Variants in INO80 observed in about 807,000 individuals in gnomAD.
INO80 encodes INO80 complex ATPase subunit, also known as chromatin-remodeling ATPase INO80.
A neutral mutation model predicts 203.4 loss-of-function variants in INO80; 20 were observed. The observed-to-expected ratio is 0.10, with a 90% confidence interval of 0.07 to 0.14. The LOEUF (loss-of-function observed/expected upper bound fraction) is 0.14, where lower values mean the gene tolerates loss of function less well. Ranked by LOEUF, INO80 falls within the 10% of genes least tolerant of loss-of-function variation. INO80 has a pLI of 1.00. For synonymous variants in INO80, 726 were observed against 685.2 expected (o/e 1.06, Z -0.93); for missense variants, 1,419 against 1,914.4 (o/e 0.74, Z 4.83).
chr15:41,112,563 C>A (rs971727435), intron 1 of INO80, among the ~76,000 whole-genome samples: 1 of 151,868 alleles, frequency 6.6e-6, no homozygotes, highest in African/African-American at 2.4e-5. Context: ...CCAAGGCAGG[C>A]AGATCACAAG....
chr15:41,003,517 A>G (rs2043995040), intron 28 of INO80, among the ~76,000 whole-genome samples: 1 of 151,366 alleles, frequency 6.6e-6, no homozygotes, highest in Non-Finnish European at 1.5e-5. Context: ...TTTAGTAGAG[A>G]CGGGGTTTCA....
chr15:41,039,992 C>T (rs1425654812), intron 24 of INO80, among the ~76,000 whole-genome samples: 1 of 152,028 alleles, frequency 6.6e-6, no homozygotes, highest in Non-Finnish European at 1.5e-5. Context: ...GGAACATAAT[C>T]AAAACATTTG....
chr15:40,985,364 G>A lies in INO80; in HGVS notation c.3895C>T (p.Arg1299Trp), dbSNP rs1354937207. ...TTCTCTGCATACTTTTCCCGCTTCC[G>A]CTTGCGCTCTTTCACTCGGTTGGTT... The part of the protein sequence containing the change: ...EETNRVKERK[R>W]KREKYAEKKK... The change falls in exon 32 of 36, where the codon CGG becomes TGG. Residue 1299 changes from arginine (R) to tryptophan (W), a missense_variant. By Grantham distance (101) the Arg-to-Trp change is moderately radical (BLOSUM62 -3). Around this residue, in one of 9 missense-constraint regions of INO80, gnomAD observed 214 missense variants for 248.9 expected, o/e 0.86. Coordinates refer to ENST00000648947, the MANE Select transcript of INO80 (RefSeq NM_017553.3). 2.5e-6 allele frequency: 4 copies of A among 1,613,624 alleles called. No homozygotes were observed. Among genetic ancestry groups the A allele is most frequent in the African/African-American group, 1.3e-5 (1 of 74,818 alleles).
At position 41,087,763 on chromosome 15, in the gene INO80, G is replaced by C. The variant is rs2045582888; in HGVS notation, c.538-81C>G. On this transcript the variant is annotated intron_variant, in intron 5 of 35. Coordinates refer to ENST00000648947, the MANE Select transcript of INO80 (RefSeq NM_017553.3). ...ACCTTTACTACAGAAAACTAAGCCA[G>C]AGGAAATCATAGCTCCTAAATACAG... The C allele has an allele frequency of 1.3e-5, 18 of 1,421,962 alleles. No individual in the cohort carries two copies. The South Asian group carries it at 2.5e-4, about 20-fold the overall frequency. 88.1% of individuals were successfully genotyped at this position (1,421,962 alleles called of 1,614,324 possible). A position where few individuals can be genotyped will look rare whatever the true frequency, so the allele number is the denominator to read the frequency against.
chr15:40,987,426 G>A (rs1392901227), intron 30 of INO80, among the ~76,000 whole-genome samples: 1 of 152,136 alleles, frequency 6.6e-6, no homozygotes, highest in African/African-American at 2.4e-5. Flanking sequence ...GAAAATCTAA[G>A]GCTACTGAAT....
intron 4 of INO80, among the ~76,000 whole-genome samples, chr15:41,092,883 C>A (rs2045665610): frequency 6.6e-6 from 1 of 152,002 alleles, no homozygotes; most frequent in African/African-American, 2.4e-5. Context: ...CTAATAAGAT[C>A]TCTTCTCTAC....
rs2044962877 is a variant in INO80 at position 41,055,314 on chromosome 15, C to T, written c.2121G>A (p.Glu707=). The T allele has an allele frequency of 1.2e-6, 2 of 1,613,060 alleles. No homozygotes were observed. The highest frequency in any genetic ancestry group is 1.7e-6 in the Non-Finnish European group (2 of 1,179,616). ...CCTTGGAAAACCATTCATTAAATTC[C>T]TCATGTGAATCAAATAATGTTGGCA... ...FIMPTLFDSH[E]EFNEWFSKDI... Residue 707 remains glutamate, a synonymous_variant, in exon 18 of 36, where the codon GAG becomes GAA. Transcript: ENST00000648947.
rs1393549127 is a variant in INO80 at position 40,992,511 on chromosome 15, AT to A, written c.3571-4538del. 4.6e-5 allele frequency among the ~76,000 whole-genome samples: 7 copies of A among 152,308 alleles called. No individual in the cohort carries two copies. The East Asian group carries it at 1.4e-3, about 29-fold the overall frequency. On this transcript the variant is annotated intron_variant, in intron 29 of 35. Coordinates refer to ENST00000648947, the MANE Select transcript of INO80 (RefSeq NM_017553.3). ...CATAAGACATTAGGTTTTTCCTGAC[AT>A]TTTTAGGTTGATTAATCTCTTCCTT... is the stretch of plus-strand genomic sequence containing the variant.
chr15:41,091,653 T>G (rs1220655661), intron 5 of INO80, among the ~76,000 whole-genome samples: 1 of 130,506 alleles, frequency 7.7e-6, no homozygotes, highest in Non-Finnish European at 1.6e-5. Flanking sequence ...TGTATCTCTT[T>G]TTTTTTTTTT....
rs73399657 is a variant in INO80 at position 41,005,524 on chromosome 15, A to C, written c.3497+69T>G. 6,328 of 780,730 alleles carry C rather than the reference A, an allele frequency of 8.1e-3. 63 individuals are homozygous for C. Among genetic ancestry groups the C allele is most frequent in the Middle Eastern group, 0.029 (123 of 4,194 alleles). The allele number at this position is 780,730 out of a possible 1,614,324, so 48.4% of individuals were successfully genotyped here. On this transcript the variant is annotated intron_variant, in intron 28 of 35. Transcript: ENST00000648947. ...GATGTCCTGGCATTTAAAAAAAAAA[A>C]AAAACTTACCATTTCAAGCACTAGA...
chr15:41,017,454 A>G (rs1456802154), intron 26 of INO80: 1 of 152,238 alleles, frequency 6.6e-6, no homozygotes, highest in East Asian at 1.9e-4. Context: ...AACAACTAAA[A>G]GAAAAACACA....
intron 1 of INO80, among the ~76,000 whole-genome samples, chr15:41,099,613 T>G (rs909901845): frequency 6.6e-5 from 10 of 152,038 alleles, no homozygotes; most frequent in African/African-American, 2.4e-4. Context: ...AGACCTTGTC[T>G]CTACAAAAAA....
intron 1 of INO80, among the ~76,000 whole-genome samples, chr15:41,102,179 A>G (rs969039141): frequency 1.1e-4 from 17 of 152,002 alleles, no homozygotes; most frequent in Non-Finnish European, 1.6e-4. Flanking sequence ...CAACAAAGCA[A>G]GACTCCATCT....
At position 41,079,583 on chromosome 15, in the gene INO80, A is replaced by C. The variant is rs574018427; in HGVS notation, c.1131+118T>G. ...GAAACCGCATCTCTACCAAAAAAAA[A>C]AAAAAAACAAAAAATTGACAGTGTC... On this transcript the variant is annotated intron_variant, in intron 9 of 35. Coordinates refer to ENST00000648947, the MANE Select transcript of INO80 (RefSeq NM_017553.3). 2.7e-4 allele frequency: 269 copies of C among 995,748 alleles called. 2 individuals are homozygous for C. The East Asian group carries it at 5.7e-3, about 21-fold the overall frequency. 61.7% of individuals were successfully genotyped at this position (995,748 alleles called of 1,614,324 possible).
chr15:41,085,206 CTG>C (rs1025017465), intron 7 of INO80, among the ~76,000 whole-genome samples, 161 bp downstream of exon 7: 4 of 152,194 alleles, frequency 2.6e-5, no homozygotes, highest in African/African-American at 9.7e-5. Flanking sequence ...CTAGAAGAAA[CTG>C]TTAACTGAAA....
rs535466459 is a variant in INO80, at chr15:40,988,018, C to G, written c.3571-44G>C. 26 of 1,548,342 alleles carry G rather than the reference C, an allele frequency of 1.7e-5. No homozygotes were observed. The Middle Eastern group carries it at 5.2e-4, about 31-fold the overall frequency. ...AAACTGAAGCACTCTTAGGGAAGGA[C>G]CAGAAATTCTGAGAGCAACCCAGCC... is the stretch of plus-strand genomic sequence containing the variant. On this transcript the variant is annotated intron_variant, in intron 29 of 35. Coordinates refer to ENST00000648947, the MANE Select transcript of INO80 (RefSeq NM_017553.3).
intron 21 of INO80, 118 bp downstream of exon 21, chr15:41,049,169 C>A: frequency 1.3e-6 from 1 of 794,326 alleles, no homozygotes; most frequent in East Asian, 2.9e-5. Context: ...GTTGTCCACC[C>A]TTTGCTTAAA....
intron 24 of INO80, among the ~76,000 whole-genome samples, chr15:41,044,146 C>CTA (rs1164828752): frequency 1.3e-5 from 2 of 152,168 alleles, no homozygotes; most frequent in Non-Finnish European, 2.9e-5. Flanking sequence ...TTGGCAAAAG[C>CTA]TACTAACTCT....
chr15:41,012,554 C>G (rs1459556022), intron 27 of INO80, among the ~76,000 whole-genome samples: 1 of 1,584 alleles, frequency 6.3e-4, no homozygotes, highest in African/African-American at 1.2e-3. Context: ...CAGAGCGAGA[C>G]TCTTTTTAAA....
Sources: allele counts gnomAD v4.1 joint callset (sites outside exome capture counted in the v4.1 genomes callset), GRCh38; gene constraint gnomAD v4.1.1; regional missense constraint gnomAD v4.1.1; transcripts MANE v1.5; gene names NCBI Gene and HGNC (gene_info 2026-07-23, HGNC 2026-07-21).